The following SPRYD3 variants were observed in gnomAD, a reference collection of about 807,000 sequenced individuals.
The protein encoded by SPRYD3 is SPRY domain containing 3.
Under a neutral mutation model 50.1 loss-of-function variants are expected in SPRYD3, and 17 were observed. The ratio of observed to expected loss-of-function variants is 0.34; its 90% CI spans 0.23 to 0.51. The LOEUF is 0.51. Ranked by LOEUF, SPRYD3 falls within the 20% of genes least tolerant of loss-of-function variation. The probability of loss-of-function intolerance (pLI) is 0.97; values close to 1 mark genes in which losing one functional copy is unlikely to be tolerated. For missense variants in SPRYD3, 401 were observed against 591.2 expected (o/e 0.68, Z 3.34); for synonymous variants, 198 against 215.5 (o/e 0.92, Z 0.71).
chr12:53,073,260 C>CGGGGGGGGGGGGGCGG, intron 6 of SPRYD3, 26 bp downstream of exon 6: 1 of 416,308 alleles, frequency 2.4e-6, no homozygotes, highest in Non-Finnish European at 4.4e-6. Context: ...GACCCAGCCC[C>CGGGGGGGGGGGGGCGG]TCCCACCCTC....
In SPRYD3 at chr12:53,075,734, A is replaced by C. The variant is rs1360409769; in HGVS notation, c.246+2T>G. On this transcript the variant is annotated splice_donor_variant, in intron 3 of 10. Coordinates refer to ENST00000301463, the MANE Select transcript of SPRYD3 (RefSeq NM_032840.3). LOFTEE classifies it high-confidence loss of function. The stretch of plus-strand genomic sequence containing the variant: ...GCTCTGCCCACCCACTGCCTTGATC[A>C]CCTCAAAATAATTGCTGTCCTTGGT... 1 of 1,613,322 alleles carries C rather than the reference A, an allele frequency of 6.2e-7. No individual in the cohort carries two copies. The highest frequency in any genetic ancestry group is 8.5e-7 in the Non-Finnish European group (1 of 1,179,320).
chr12:53,073,260 C>CCGGGGGGGGGGGGGGGGGGGGG, intron 6 of SPRYD3, 26 bp downstream of exon 6: 2 of 416,308 alleles, frequency 4.8e-6, no homozygotes. Context: ...GACCCAGCCC[C>CCGGGGGGGGGGGGGGGGGGGGG]TCCCACCCTC....
At chr12:53,073,874 A>G (rs1944569249) in intron 5 of SPRYD3, among the ~76,000 whole-genome samples, 1 of 151,862 alleles carries the variant, frequency 6.6e-6, no homozygotes, top group South Asian at 2.1e-4. Context: ...GATGCAACCA[A>G]TAATTATCAC....
At chr12:53,067,145 A>G (rs1327724583) in intron 8 of SPRYD3, among the ~76,000 whole-genome samples, 1 of 150,868 alleles carries the variant, frequency 6.6e-6, no homozygotes, top group Non-Finnish European at 1.5e-5. Flanking sequence ...AGCGAGATAT[A>G]TGGGAAGGGG....
intron 10 of SPRYD3, 52 bp downstream of exon 10, chr12:53,066,262 C>T (rs1486608370): frequency 5.0e-6 from 8 of 1,590,478 alleles, no homozygotes; most frequent in Non-Finnish European, 6.8e-6. Flanking sequence ...TAATACCCAC[C>T]CTTTGCCCAG....
chr12:53,073,354 T>A lies in SPRYD3; in HGVS notation c.625A>T (p.Ser209Cys). ...LNAELGREDD[S>C]VMMVDSYEDE... ...TCGTAACTGTCCACCATCATGACGC[T>A]GTCGTCCTCACGGCCCAGCTCAGCG... Residue 209 changes from serine to cysteine, a missense_variant, in exon 6 of 11, where the codon AGC becomes TGC. Ser to Cys is a moderately radical substitution (Grantham distance 112). Transcript: ENST00000301463. 6.4e-7 allele frequency: 1 copy of A among 1,557,946 alleles called. No homozygotes were observed. Among genetic ancestry groups the A allele is most frequent in the Non-Finnish European group, 8.7e-7 (1 of 1,148,120 alleles).
intron 8 of SPRYD3, among the ~76,000 whole-genome samples, chr12:53,067,240 G>A (rs774030636): frequency 6.6e-6 from 1 of 152,072 alleles, no homozygotes; most frequent in Non-Finnish European, 1.5e-5. Context: ...TCAGAGGAGG[G>A]GGCCCTAGGG....
chr12:53,066,121 C>T (rs193003234), intron 10 of SPRYD3, among the ~76,000 whole-genome samples, 155 bp from the exon 11 acceptor site: 4 of 152,250 alleles, frequency 2.6e-5, no homozygotes, highest in African/African-American at 9.6e-5. Flanking sequence ...CACCAGAGGG[C>T]GTGCTGAGGC....
chr12:53,066,185 G>A (rs1218784390), intron 10 of SPRYD3, 129 bp downstream of exon 10: 5 of 1,499,086 alleles, frequency 3.3e-6, no homozygotes, highest in African/African-American at 1.4e-5. Context: ...CTGGAGCTGG[G>A]AACAGCCCTT....
intron 6 of SPRYD3, among the ~76,000 whole-genome samples, chr12:53,071,723 T>TA (rs60600870): frequency 0.1 from 10,843 of 104,390 alleles, 946 homozygotes; most frequent in East Asian, 0.36. Flanking sequence ...TAGCCTGTCT[T>TA]AAAAAAAAAA....
intron 6 of SPRYD3, among the ~76,000 whole-genome samples, chr12:53,069,332 C>A (rs185923508): frequency 1.3e-5 from 2 of 152,166 alleles, no homozygotes; most frequent in African/African-American, 4.8e-5. Flanking sequence ...ACCTCCTCCA[C>A]GTCTCCCTGG....
At chr12:53,075,600 A>G in intron 3 of SPRYD3, 136 bp downstream of exon 3, 1 of 711,028 alleles carries the variant, frequency 1.4e-6, no homozygotes, top group Non-Finnish European at 2.4e-6. Flanking sequence ...TCCTGCACCT[A>G]TTTCCCAGCC....
At chr12:53,070,313 G>A (rs958129684) in intron 6 of SPRYD3, among the ~76,000 whole-genome samples, 3 of 152,180 alleles carry the variant, frequency 2.0e-5, no homozygotes, top group Non-Finnish European at 4.4e-5. Context: ...CCCCTCCTGA[G>A]CCTTCCCAGA....
At chr12:53,068,101 C>T in intron 7 of SPRYD3, 54 bp downstream of exon 7, 1 of 1,605,182 alleles carries the variant, frequency 6.2e-7, no homozygotes, top group East Asian at 2.2e-5. Flanking sequence ...GCTGCCCCAA[C>T]AGCCCCAGAC....
intron 2 of SPRYD3, among the ~76,000 whole-genome samples, chr12:53,076,134 G>A (rs1456970711): frequency 1.3e-5 from 2 of 152,218 alleles, no homozygotes; most frequent in Non-Finnish European, 2.9e-5. Context: ...CTCTCATGCT[G>A]CAGCTTCAGC....
At position 53,066,299 on chromosome 12, in the gene SPRYD3, ACT is replaced by A; in HGVS notation, c.1194+13_1194+14del. ...CCCAAAAACCCTGGTCCCACCTCAA[ACT>A]CTCCGTACTCACCACCACCTTCCTG... On this transcript the variant is annotated intron_variant, in intron 10 of 10. Coordinates refer to ENST00000301463, the MANE Select transcript of SPRYD3 (RefSeq NM_032840.3). 1 of 1,609,572 alleles carries A rather than the reference ACT, an allele frequency of 6.2e-7. No homozygotes were observed. Among genetic ancestry groups the A allele is most frequent in the Non-Finnish European group, 8.5e-7 (1 of 1,177,826 alleles).
chr12:53,066,508 G>A (rs1565616557), intron 9 of SPRYD3, 22 bp from the exon 10 acceptor site: 2 of 1,613,524 alleles, frequency 1.2e-6, no homozygotes, highest in Admixed American at 1.7e-5. Context: ...GGAAACCTGA[G>A]CTCCTGTGGT....
At chr12:53,068,057 G>T in intron 7 of SPRYD3, 98 bp downstream of exon 7, 1 of 1,411,684 alleles carries the variant, frequency 7.1e-7, no homozygotes. Flanking sequence ...TCCAAAGCCT[G>T]GGCTCCCCTG....
At chr12:53,079,275 G>A (rs1326432991) in intron 1 of SPRYD3, 36 bp downstream of exon 1, 3 of 1,591,344 alleles carry the variant, frequency 1.9e-6, no homozygotes, top group Admixed American at 1.7e-5. Context: ...GGGGAGATAC[G>A]AGGCCTCCGG....
Sources: gnomAD v4.1 joint callset for allele counts (sites outside exome capture counted in the v4.1 genomes callset) on GRCh38, gnomAD v4.1.1 for gene constraint, MANE v1.5 for transcripts, NCBI Gene and HGNC (gene_info 2026-07-23, HGNC 2026-07-21) for gene names.